The following FANCL variants were observed in gnomAD, a reference collection of about 807,000 sequenced individuals.
The protein encoded by FANCL is E3 ubiquitin-protein ligase FANCL.
In FANCL, 69 loss-of-function variants were observed where a neutral mutation model predicts 59.4. The observed-to-expected ratio is 1.16, with a 90% CI of 0.96 to 1.42. FANCL has a LOEUF of 1.42. Among genes scored for constraint, FANCL ranks in the 40% most tolerant of loss-of-function variants. The probability of loss-of-function intolerance (pLI) is 0.00; values close to 1 mark genes in which losing one functional copy is unlikely to be tolerated. For missense variants in FANCL, 519 were observed against 447.2 expected (o/e 1.16, Z -1.45); for synonymous variants, 180 against 147.1 (o/e 1.22, Z -1.62).
In FANCL at chr2:58,226,758, C is replaced by T; in HGVS notation, c.243G>A (p.Met81Ile). 3 of 1,613,246 alleles carry T rather than the reference C, an allele frequency of 1.9e-6. No homozygotes were observed. The highest frequency in any genetic ancestry group is 2.5e-6 in the Non-Finnish European group (3 of 1,179,620). ...QQRMQHSPDL[M>I]SFMMELKMLL... ...GCATCTTCAACTCCATCATAAAGCT[C>T]ATTAGATCAGGAGAGTGCTGCATTC... The change falls in exon 4 of 14, where the codon ATG becomes ATA. Residue 81 changes from methionine (M) to isoleucine (I), a missense_variant. Transcript: ENST00000233741.
chr2:58,169,435 A>G (rs1461799924), intron 7 of FANCL, among the ~76,000 whole-genome samples: 1 of 152,212 alleles, frequency 6.6e-6, no homozygotes, highest in Non-Finnish European at 1.5e-5. Flanking sequence ...AGATAAATCC[A>G]CGACGATGAG....
At chr2:58,160,034 T>G in intron 13 of FANCL, 74 bp downstream of exon 13, 1 of 1,602,864 alleles carries the variant, frequency 6.2e-7, no homozygotes, top group South Asian at 1.1e-5. Context: ...TGATATACTA[T>G]ATAGATCTAT....
chr2:58,168,459 G>C (rs1488563660), intron 7 of FANCL, among the ~76,000 whole-genome samples: 1 of 152,166 alleles, frequency 6.6e-6, no homozygotes, highest in Non-Finnish European at 1.5e-5. Flanking sequence ...CCGCAGATCA[G>C]GAGATTCCCT....
At position 58,159,257 on chromosome 2, in the gene FANCL, C is replaced by T. The variant is rs983557048; in HGVS notation, c.*508G>A. 4 of 973,340 alleles carry T rather than the reference C, an allele frequency of 4.1e-6. No individual in the cohort carries two copies. In the East Asian group the frequency reaches 9.8e-5, roughly 24 times the overall value. The allele number at this position is 973,340 out of a possible 1,614,324, so 60.3% of individuals were successfully genotyped here. ...CACGCAAAAACTTGATCTTGTATAACATTTTATTTAGCATTCTTACACACT... is the reference window on the plus strand; with the variant it reads ...CACGCAAAAACTTGATCTTGTATAATATTTTATTTAGCATTCTTACACACT... On this transcript the variant is annotated 3_prime_UTR_variant, in exon 14 of 14. Transcript: ENST00000233741.
chr2:58,171,836 G>A (rs973303526), intron 7 of FANCL, among the ~76,000 whole-genome samples: 4 of 152,202 alleles, frequency 2.6e-5, no homozygotes, highest in African/African-American at 9.6e-5. Context: ...AAGGGTCAGG[G>A]AGTTCTCTTT....
intron 7 of FANCL, among the ~76,000 whole-genome samples, chr2:58,196,771 C>A (rs762881693): frequency 1.3e-4 from 20 of 151,726 alleles, no homozygotes; most frequent in African/African-American, 4.6e-4. Context: ...ATCTAAAACA[C>A]AAAGAAACTC....
chr2:58,196,922 G>A (rs1035571504), intron 7 of FANCL, among the ~76,000 whole-genome samples: 1 of 151,350 alleles, frequency 6.6e-6, no homozygotes, highest in African/African-American at 2.4e-5. Context: ...AACTTCCAGA[G>A]CCAAATAGAA....
intron 7 of FANCL, among the ~76,000 whole-genome samples, chr2:58,180,431 A>G (rs1212960049): frequency 6.6e-6 from 1 of 152,174 alleles, no homozygotes; most frequent in Non-Finnish European, 1.5e-5. Context: ...GACACGGATG[A>G]AGCTAGAAAC....
chr2:58,163,305 G>A (rs866894468), intron 9 of FANCL, 129 bp downstream of exon 9: 4 of 780,830 alleles, frequency 5.1e-6, no homozygotes, highest in Admixed American at 4.5e-5. Context: ...TGGGCAACAA[G>A]AGCAAAACTC....
intron 7 of FANCL, among the ~76,000 whole-genome samples, chr2:58,180,123 C>T (rs775008073): frequency 4.6e-5 from 7 of 151,948 alleles, no homozygotes; most frequent in Middle Eastern, 3.4e-3. Context: ...CACTGTTGGT[C>T]GAAGTGTAAA....
At chr2:58,218,067 A>C (rs1692025508) in intron 5 of FANCL, among the ~76,000 whole-genome samples, 1 of 152,128 alleles carries the variant, frequency 6.6e-6, no homozygotes, top group African/African-American at 2.4e-5. Context: ...TTTGAAAATT[A>C]AGAGATATAC....
chr2:58,168,381 A>C (rs1247944653), intron 7 of FANCL, among the ~76,000 whole-genome samples: 1 of 152,172 alleles, frequency 6.6e-6, no homozygotes, highest in Non-Finnish European at 1.5e-5. Flanking sequence ...AAGGGAAGCC[A>C]TGAGGGACTG....
intron 7 of FANCL, among the ~76,000 whole-genome samples, chr2:58,187,117 T>G (rs1343321635): frequency 2.6e-5 from 4 of 152,118 alleles, no homozygotes; most frequent in African/African-American, 9.7e-5. Flanking sequence ...CATGCACACA[T>G]ATGTTTATTG....
intron 5 of FANCL, among the ~76,000 whole-genome samples, chr2:58,219,382 T>C (rs1558810643): frequency 6.6e-6 from 1 of 150,932 alleles, no homozygotes; most frequent in Non-Finnish European, 1.5e-5. Flanking sequence ...AACAAATAAA[T>C]GAGAGGGAAC....
chr2:58,232,894 C>T (rs3771224), intron 1 of FANCL, among the ~76,000 whole-genome samples: 39,698 of 151,778 alleles, frequency 0.26, 6,276 homozygotes, highest in South Asian at 0.41. Context: ...TTTACTCTAA[C>T]AGAATAAAAT....
chr2:58,177,129 C>A (rs1333604507), intron 7 of FANCL, among the ~76,000 whole-genome samples: 1 of 152,132 alleles, frequency 6.6e-6, no homozygotes, highest in Non-Finnish European at 1.5e-5. Flanking sequence ...AGTCAGGAAA[C>A]AACAGGTGCT....
At position 58,199,392 on chromosome 2, in the gene FANCL, T is replaced by A. The variant is rs546557919; in HGVS notation, c.472-730A>T. 3.3e-5 allele frequency among the ~76,000 whole-genome samples: 5 copies of A among 152,246 alleles called. 1 individual carries two copies. Among genetic ancestry groups the A allele is most frequent in the African/African-American group, 1.2e-4 (5 of 41,574 alleles). On this transcript the variant is annotated intron_variant, in intron 6 of 13. Transcript: ENST00000233741. ...TCACTATTTAAATAGGCAGTATCAGTTAAAGGAATTAAGAAATACACAAAC... is the reference window on the plus strand; with the variant it reads ...TCACTATTTAAATAGGCAGTATCAGATAAAGGAATTAAGAAATACACAAAC...
intron 7 of FANCL, among the ~76,000 whole-genome samples, chr2:58,185,445 A>AGAT (rs1464957898): frequency 2.0e-5 from 3 of 152,184 alleles, no homozygotes; most frequent in Non-Finnish European, 4.4e-5. Context: ...AGCATATCTG[A>AGAT]CATTTAAACC....
intron 7 of FANCL, among the ~76,000 whole-genome samples, chr2:58,187,332 G>GC (rs1265450546): frequency 1.4e-5 from 2 of 148,116 alleles, no homozygotes; most frequent in Admixed American, 1.4e-4. Flanking sequence ...ACCAAACACC[G>GC]CATGTTCTCA....
Sources: allele counts gnomAD v4.1 joint callset (sites outside exome capture counted in the v4.1 genomes callset), GRCh38; gene constraint gnomAD v4.1.1; transcripts MANE v1.5; gene names NCBI Gene and HGNC (gene_info 2026-07-23, HGNC 2026-07-21).